Variants in C17orf114 observed in about 807,000 individuals in gnomAD.
C17orf114 encodes the protein chromosome 17 open reading frame 114, also known as uncharacterized protein C17orf114.
upstream of C17orf114, among the ~76,000 whole-genome samples, chr17:4,803,416 A>ATTTTTTTTTTTTTTTTTT (rs34116712): frequency 1.3e-5 from 1 of 75,450 alleles, no homozygotes; most frequent in Non-Finnish European, 2.3e-5. Context: ...GTTTTTTTTA[A>ATTTTTTTTTTTTTTTTTT]TTTTTTTTTT....
At chr17:4,801,262 T>C in exon 2 of C17orf114, 5 of 398,712 alleles carry the variant, frequency 1.3e-5, no homozygotes, top group Non-Finnish European at 2.2e-5. Flanking sequence ...TAAGCCTTCC[T>C]GGAGGTTCAC....
chr17:4,801,296 G>C, exon 2 of C17orf114: 1 of 398,734 alleles, frequency 2.5e-6, no homozygotes, highest in Non-Finnish European at 4.4e-6. Context: ...CCTTCAAATG[G>C]TGGAGTCATT....
chr17:4,805,580 C>G (rs1905689902), upstream of C17orf114, among the ~76,000 whole-genome samples: 1 of 151,276 alleles, frequency 6.6e-6, no homozygotes, highest in African/African-American at 2.4e-5. Context: ...CAAAAATTAG[C>G]CGGAAATCCC....
At chr17:4,802,773 T>C (rs1351243719), upstream of C17orf114, among the ~76,000 whole-genome samples, 1 of 152,180 alleles carries the variant, frequency 6.6e-6, no homozygotes. Flanking sequence ...TAAGAAACTT[T>C]ATTATTCAGG....
upstream of C17orf114, chr17:4,806,695 T>C (rs1905844123): frequency 6.6e-6 from 1 of 152,094 alleles, no homozygotes; most frequent in Admixed American, 6.5e-5. Flanking sequence ...GTACAAACGC[T>C]ATCTGGGCTA....
upstream of C17orf114, among the ~76,000 whole-genome samples, chr17:4,806,377 A>G (rs1415211286): frequency 1.3e-5 from 2 of 152,236 alleles, no homozygotes; most frequent in African/African-American, 2.4e-5. Context: ...GAATGTTTAC[A>G]GGAGCTAAAA....
chr17:4,802,361 G>A (rs759346079), upstream of C17orf114: 17 of 398,726 alleles, frequency 4.3e-5, no homozygotes, highest in Non-Finnish European at 7.1e-5. Flanking sequence ...GGCCAGGAGG[G>A]CCCCCGGGAG....
At chr17:4,803,237 A>G (rs1905555963), upstream of C17orf114, among the ~76,000 whole-genome samples, 3 of 151,066 alleles carry the variant, frequency 2.0e-5, no homozygotes, top group Admixed American at 2.0e-4. Flanking sequence ...CTTTTGAGGT[A>G]AGTCCCTCAC....
chr17:4,805,397 G>A (rs931600764), upstream of C17orf114, among the ~76,000 whole-genome samples: 1 of 150,262 alleles, frequency 6.7e-6, no homozygotes. Context: ...ACTCCAGCCT[G>A]GGCAATAACA....
At chr17:4,801,735 A>ATT (rs533686137) in intron 1 of C17orf114, among the ~76,000 whole-genome samples, 12 of 142,880 alleles carry the variant, frequency 8.4e-5, no homozygotes, top group Non-Finnish European at 6.2e-5. Flanking sequence ...GAAATTCTTA[A>ATT]TTTTTTTTTT....
chr17:4,803,657 A>G (rs1905571362), upstream of C17orf114, among the ~76,000 whole-genome samples: 1 of 151,018 alleles, frequency 6.6e-6, no homozygotes, highest in Non-Finnish European at 1.5e-5. Flanking sequence ...CGATCTCCTG[A>G]GCTCGTGATC....
upstream of C17orf114, chr17:4,806,999 G>A (rs952264075): frequency 1.3e-5 from 2 of 150,698 alleles, no homozygotes; most frequent in East Asian, 1.9e-4. Flanking sequence ...CGGGGCTCTC[G>A]GTGGCGCACT....
chr17:4,805,188 T>TGGG (rs1248881663), upstream of C17orf114, among the ~76,000 whole-genome samples: 11 of 150,390 alleles, frequency 7.3e-5, no homozygotes, highest in East Asian at 4.0e-4. Flanking sequence ...CCCAGCACTT[T>TGGG]AGGCCAAGGA....
upstream of C17orf114, among the ~76,000 whole-genome samples, chr17:4,803,699 T>C (rs1047150226): frequency 6.6e-6 from 1 of 151,902 alleles, no homozygotes; most frequent in African/African-American, 2.4e-5. Context: ...GTGCTGGGAT[T>C]ACAGGCATGA....
chr17:4,802,321 T>C, exon 1 of C17orf114: 1 of 399,060 alleles, frequency 2.5e-6, no homozygotes, highest in Non-Finnish European at 4.4e-6. Context: ...CAGACCCATC[T>C]CAACAGTGGA....
chr17:4,805,878 G>T (rs1046986842), upstream of C17orf114, among the ~76,000 whole-genome samples: 3 of 152,048 alleles, frequency 2.0e-5, no homozygotes, highest in Admixed American at 1.3e-4. Flanking sequence ...GCGTGAACCT[G>T]GGAGGCGGAG....
At chr17:4,806,093 C>A (rs1209773515), upstream of C17orf114, among the ~76,000 whole-genome samples, 2 of 152,238 alleles carry the variant, frequency 1.3e-5, no homozygotes, top group African/African-American at 4.8e-5. Flanking sequence ...TGGTCAATAT[C>A]ATTGATCTCC....
upstream of C17orf114, among the ~76,000 whole-genome samples, chr17:4,803,299 G>GA (rs1177103246): frequency 6.6e-6 from 1 of 151,638 alleles, no homozygotes; most frequent in Non-Finnish European, 1.5e-5. Context: ...CAGGCACTGA[G>GA]AGGTAAGGTA....
At chr17:4,804,754 T>G (rs1430806042), upstream of C17orf114, among the ~76,000 whole-genome samples, 1 of 151,054 alleles carries the variant, frequency 6.6e-6, no homozygotes, top group Non-Finnish European at 1.5e-5. Context: ...CTCAGCTAAT[T>G]TTTTGTATTT....
Sources: allele counts gnomAD v4.1 joint callset (sites outside exome capture counted in the v4.1 genomes callset), GRCh38; gene constraint gnomAD v4.1.1; transcripts MANE v1.5; gene names NCBI Gene and HGNC (gene_info 2026-07-23, HGNC 2026-07-21).